The following NTRK3 variants were observed in gnomAD, a reference collection of about 807,000 sequenced individuals.
NTRK3 encodes the protein NT-3 growth factor receptor.
Under a neutral mutation model 91.7 loss-of-function variants are expected in NTRK3, and 24 were observed. The ratio of observed to expected loss-of-function variants is 0.26; its 90% CI spans 0.19 to 0.37. The LOEUF (loss-of-function observed/expected upper bound fraction) is 0.37. Ranked by LOEUF, NTRK3 falls within the 10% of genes least tolerant of loss-of-function variation. NTRK3 has a pLI of 1.00. For missense variants in NTRK3, 880 were observed against 1,068.9 expected (o/e 0.82, Z 2.46); for synonymous variants, 483 against 404.0 (o/e 1.20, Z -2.34).
chr15:88,118,420 C>A (rs2052343616), intron 13 of NTRK3, among the ~76,000 whole-genome samples: 1 of 152,048 alleles, frequency 6.6e-6, no homozygotes, highest in Admixed American at 6.6e-5. Flanking sequence ...CTTGACTTTA[C>A]AGGGGGTAAA....
At chr15:88,143,279 G>A (rs529535481) in intron 6 of NTRK3, among the ~76,000 whole-genome samples, 2 of 152,232 alleles carry the variant, frequency 1.3e-5, no homozygotes, top group East Asian at 3.9e-4. Flanking sequence ...AAAGAGACAG[G>A]GATGGCAGGC....
chr15:88,176,136 C>CTTTTTTTTTTT lies in NTRK3; in HGVS notation c.395+7271_395+7281dup, dbSNP rs139583264. On this transcript the variant is annotated intron_variant, in intron 5 of 18. Transcript: ENST00000394480. ...TGTAATATTTGCCTATATGCCCCTT[C>CTTTTTTTTTTT]TTTTTTTTTTTTTTTTTTTGAGACA... 5.2e-4 allele frequency among the ~76,000 whole-genome samples: 60 copies of CTTTTTTTTTTT among 116,076 alleles called. 4 individuals carry two copies. The highest frequency in any genetic ancestry group is 2.1e-3 in the African/African-American group (59 of 27,570). 76.2% of individuals were successfully genotyped at this position (116,076 alleles called of 152,430 possible). A position where few individuals can be genotyped will look rare whatever the true frequency, so the allele number is the denominator to read the frequency against.
intron 13 of NTRK3, among the ~76,000 whole-genome samples, chr15:88,107,668 C>A (rs943807191): frequency 2.6e-5 from 4 of 152,082 alleles, no homozygotes; most frequent in Non-Finnish European, 5.9e-5. Flanking sequence ...AGACAGGAGC[C>A]CAAGGCCTAT....
intron 14 of NTRK3, among the ~76,000 whole-genome samples, chr15:87,971,035 G>A (rs1418297302): frequency 6.6e-6 from 1 of 152,162 alleles, no homozygotes; most frequent in Non-Finnish European, 1.5e-5. Flanking sequence ...GGTATCAGAG[G>A]TACTGTGTAG....
chr15:88,256,255 AG>A (rs1158291105), intron 2 of NTRK3, 28 bp downstream of exon 2: 10 of 83,830 alleles, frequency 1.2e-4, no homozygotes, highest in East Asian at 2.4e-4. Context: ...ACGGCGAGGG[AG>A]GGGGGAAGGG....
At chr15:88,171,375 G>T (rs951316051) in intron 5 of NTRK3, among the ~76,000 whole-genome samples, 1 of 152,140 alleles carries the variant, frequency 6.6e-6, no homozygotes, top group Non-Finnish European at 1.5e-5. Flanking sequence ...AGAAGACATG[G>T]AGGGTCTCTG....
chr15:87,957,944 G>A (rs1451801609), intron 14 of NTRK3, among the ~76,000 whole-genome samples: 1 of 152,170 alleles, frequency 6.6e-6, no homozygotes, highest in African/African-American at 2.4e-5. Flanking sequence ...CCGAGGAGAG[G>A]AACTCAGGTG....
intron 13 of NTRK3, among the ~76,000 whole-genome samples, chr15:88,058,252 G>T (rs1437197467): frequency 6.6e-6 from 1 of 152,172 alleles, no homozygotes; most frequent in East Asian, 1.9e-4. Context: ...GACAGTTCTT[G>T]AGTTCAAATC....
chr15:88,256,483 G>A (rs1335984858), exon 2 of NTRK3: 2 of 522,324 alleles, frequency 3.8e-6, no homozygotes, highest in Admixed American at 3.9e-5. Flanking sequence ...CTCCGACTCC[G>A]AGACTTTGCA....
chr15:88,092,650 T>C (rs2049131553), intron 13 of NTRK3, among the ~76,000 whole-genome samples: 2 of 152,214 alleles, frequency 1.3e-5, no homozygotes, highest in South Asian at 4.1e-4. Flanking sequence ...AGGTTGGCAA[T>C]CAGTATTGCT....
At chr15:88,117,146 G>A (rs1378181952) in intron 13 of NTRK3, among the ~76,000 whole-genome samples, 1 of 152,206 alleles carries the variant, frequency 6.6e-6, no homozygotes, top group Non-Finnish European at 1.5e-5. Flanking sequence ...CTTATCAGAT[G>A]TTTAGAATGT....
intron 3 of NTRK3, among the ~76,000 whole-genome samples, chr15:88,203,159 C>A (rs1040094832): frequency 8.5e-5 from 13 of 152,148 alleles, no homozygotes; most frequent in African/African-American, 3.1e-4. Flanking sequence ...ATTGCTAGCT[C>A]GGTACACACT....
At chr15:88,182,427 C>T (rs1041988199) in intron 5 of NTRK3, among the ~76,000 whole-genome samples, 1 of 152,140 alleles carries the variant, frequency 6.6e-6, no homozygotes, top group African/African-American at 2.4e-5. Flanking sequence ...AATTTCTCTC[C>T]AGCCCAGCTG....
intron 17 of NTRK3, among the ~76,000 whole-genome samples, chr15:87,907,422 G>T (rs546993757): frequency 7.2e-5 from 11 of 152,156 alleles, no homozygotes; most frequent in African/African-American, 2.4e-4. Context: ...GAGAGAACCT[G>T]GGAGGTTATG....
intron 13 of NTRK3, among the ~76,000 whole-genome samples, chr15:88,087,911 C>T (rs2048655737): frequency 6.6e-6 from 1 of 152,100 alleles, no homozygotes; most frequent in African/African-American, 2.4e-5. Context: ...ATAAGTCAGG[C>T]ATGGTGGCAT....
intron 14 of NTRK3, among the ~76,000 whole-genome samples, chr15:87,960,658 T>C (rs2072185803): frequency 6.6e-6 from 1 of 152,124 alleles, no homozygotes; most frequent in African/African-American, 2.4e-5. Flanking sequence ...CTAATTTTTA[T>C]ATTTTTAGTG....
intron 6 of NTRK3, among the ~76,000 whole-genome samples, chr15:88,144,882 T>C (rs890356912): frequency 6.6e-6 from 1 of 152,116 alleles, no homozygotes; most frequent in East Asian, 1.9e-4. Flanking sequence ...CTGGTTGGGG[T>C]ACAGCAGAGG....
At chr15:88,135,373 T>C in exon 10 of NTRK3, 1 of 1,614,038 alleles carries the variant, frequency 6.2e-7, no homozygotes, top group Non-Finnish European at 8.5e-7. Flanking sequence ...CTCAGGCTCC[T>C]CCAGGCTCAC....
rs1382261579 is a variant in NTRK3, at chr15:88,234,701, T to C, written c.248+21205A>G. On this transcript the variant is annotated intron_variant, in intron 3 of 18. Coordinates refer to ENST00000394480, the Ensembl canonical transcript of NTRK3. The surrounding 1 kb of genome is among the most constrained non-coding windows in gnomAD (Gnocchi z 6.1). The stretch of plus-strand genomic sequence containing the variant: ...GTGCTTCTTTCTCCAACACATTTAT[T>C]ACACCCATCACTTCAGCTGTAAGTC... Among the ~76,000 whole-genome samples the C allele has an allele frequency of 6.6e-6, 1 of 152,212 alleles. No individual in the cohort carries two copies. Among genetic ancestry groups the C allele is most frequent in the Non-Finnish European group, 1.5e-5 (1 of 68,040 alleles).
Sources: allele counts gnomAD v4.1 joint callset (sites outside exome capture counted in the v4.1 genomes callset), GRCh38; gene constraint gnomAD v4.1.1; non-coding constraint Gnocchi (gnomAD v3.1); transcripts MANE v1.5; gene names NCBI Gene and HGNC (gene_info 2026-07-23, HGNC 2026-07-21).